SPDL1: variants seen among roughly 807,000 people sequenced by gnomAD.
SPDL1 encodes protein Spindly.
Under a neutral mutation model 79.5 loss-of-function variants are expected in SPDL1, and 85 were observed. The observed-to-expected ratio is 1.07, with a 90% confidence interval of 0.90 to 1.28. The LOEUF (loss-of-function observed/expected upper bound fraction) is 1.28, where lower values mean the gene tolerates loss of function less well. Ranked by LOEUF, SPDL1 falls within the 50% of genes most tolerant of loss-of-function variation. SPDL1 has a pLI of 0.00. For missense variants in SPDL1, 703 were observed against 697.8 expected (o/e 1.01, Z -0.08); for synonymous variants, 269 against 240.3 (o/e 1.12, Z -1.10).
intron 11 of SPDL1, among the ~76,000 whole-genome samples, chr5:169,603,755 G>A (rs1756048962): frequency 6.6e-6 from 1 of 152,156 alleles, no homozygotes; most frequent in Non-Finnish European, 1.5e-5. Flanking sequence ...TCCGGTGGCT[G>A]AGGCAGGAGA....
At chr5:169,591,535 G>A (rs558123035) in intron 3 of SPDL1, among the ~76,000 whole-genome samples, 15 of 152,268 alleles carry the variant, frequency 9.9e-5, no homozygotes, top group Non-Finnish European at 1.8e-4. Flanking sequence ...AGAAAGCCTC[G>A]TCTCCTAGCC....
At chr5:169,590,955 A>G in intron 2 of SPDL1, 93 bp from the exon 3 acceptor site, 1 of 1,094,926 alleles carries the variant, frequency 9.1e-7, no homozygotes, top group Non-Finnish European at 1.4e-6. Context: ...AATGCTTGAA[A>G]TAAGAATGAA....
At position 169,601,359 on chromosome 5, in the gene SPDL1, C is replaced by T. The variant is rs1348749297; in HGVS notation, c.1404C>T (p.Val468=). 1 of 1,613,792 alleles carries T rather than the reference C, an allele frequency of 6.2e-7. No individual in the cohort carries two copies. The highest frequency in any genetic ancestry group is 8.5e-7 in the Non-Finnish European group (1 of 1,179,980). Residue 468 remains valine (V), a synonymous_variant, in exon 11 of 12, where the codon GTC becomes GTT. Coordinates refer to ENST00000265295, the MANE Select transcript of SPDL1 (RefSeq NM_017785.5). ...VDITTAKDAC[V]NNSALGGEVY... ...TAACCACCGCTAAAGATGCATGTGT[C>T]AACAACAGTGCTCTCGGGGGAGAAG...
intron 8 of SPDL1, among the ~76,000 whole-genome samples, chr5:169,597,004 A>T (rs1314096124): frequency 1.3e-5 from 2 of 152,190 alleles, no homozygotes; most frequent in East Asian, 3.8e-4. Flanking sequence ...ATATCAGTAT[A>T]GCCTCATGGA....
At chr5:169,592,134 A>G (rs140396674) in intron 3 of SPDL1, among the ~76,000 whole-genome samples, 6 of 150,464 alleles carry the variant, frequency 4.0e-5, no homozygotes, top group African/African-American at 9.8e-5. Flanking sequence ...TATACCACCT[A>G]TACTATTACT....
chr5:169,602,661 C>T (rs1244783528), intron 11 of SPDL1, among the ~76,000 whole-genome samples: 1 of 152,176 alleles, frequency 6.6e-6, no homozygotes. Context: ...TAATATTCAA[C>T]AGTAAAAGCA....
intron 8 of SPDL1, among the ~76,000 whole-genome samples, chr5:169,597,770 ATCTT>A (rs1337880219): frequency 2.0e-5 from 3 of 152,318 alleles, no homozygotes; most frequent in Non-Finnish European, 4.4e-5. Flanking sequence ...ATGTCATAAA[ATCTT>A]AATTAAGTTT....
chr5:169,601,719 T>G, intron 11 of SPDL1, 94 bp downstream of exon 11: 1 of 1,141,170 alleles, frequency 8.8e-7, no homozygotes, highest in Non-Finnish European at 1.3e-6. Flanking sequence ...TTATCTACTT[T>G]CTTACAATTG....
At chr5:169,596,492 T>G in intron 7 of SPDL1, 69 bp from the exon 8 acceptor site, 1 of 1,321,358 alleles carries the variant, frequency 7.6e-7, no homozygotes, top group East Asian at 2.3e-5. Flanking sequence ...ATGAATTGTA[T>G]CAAAAAAGTA....
chr5:169,597,790 A>G (rs1755666046), intron 8 of SPDL1, among the ~76,000 whole-genome samples: 1 of 152,168 alleles, frequency 6.6e-6, no homozygotes, highest in African/African-American at 2.4e-5. Context: ...AGTTTACATA[A>G]CTTTATTTCT....
intron 8 of SPDL1, 38 bp downstream of exon 8, chr5:169,596,739 TG>T (rs772534639): frequency 6.6e-7 from 1 of 1,504,894 alleles, no homozygotes; most frequent in African/African-American, 1.5e-5. Context: ...ATCCAAATTT[TG>T]ATTTGAATAT....
intron 2 of SPDL1, among the ~76,000 whole-genome samples, chr5:169,590,050 A>G (rs1434282072): frequency 1.3e-5 from 2 of 152,200 alleles, no homozygotes; most frequent in African/African-American, 4.8e-5. Context: ...AAACTCCATG[A>G]GAGAGGGAAT....
chr5:169,590,652 T>C (rs957435776), intron 2 of SPDL1: 63 of 450,688 alleles, frequency 1.4e-4, no homozygotes, highest in East Asian at 5.6e-4. Context: ...CTATTATTAC[T>C]ACTACATTGT....
intron 1 of SPDL1, among the ~76,000 whole-genome samples, chr5:169,584,410 T>C (rs1754870837): frequency 2.0e-5 from 3 of 152,244 alleles, no homozygotes; most frequent in Admixed American, 2.0e-4. Flanking sequence ...ATATTTCTGC[T>C]GGACAGCACT....
rs7720435 is a variant in SPDL1, at chr5:169,603,399, A to G, written c.1671-661A>G. Among the ~76,000 whole-genome samples, 378 of 152,270 alleles carry G rather than the reference A, an allele frequency of 2.5e-3. 1 individual carries two copies. The highest frequency in any genetic ancestry group is 8.7e-3 in the African/African-American group (360 of 41,538). Reference sequence around the variant, plus strand: ...TAGACATCTATTCATGCAGCCCAAGATTCCATGTTATTTTTGTCTTGCCTT... The same window carrying G: ...TAGACATCTATTCATGCAGCCCAAGGTTCCATGTTATTTTTGTCTTGCCTT... On this transcript the variant is annotated intron_variant, in intron 11 of 11. Coordinates refer to ENST00000265295, the MANE Select transcript of SPDL1 (RefSeq NM_017785.5).
intron 5 of SPDL1, 30 bp from the exon 6 acceptor site, chr5:169,594,364 G>C: frequency 6.2e-7 from 1 of 1,612,780 alleles, no homozygotes; most frequent in Non-Finnish European, 8.5e-7. Context: ...TGTAATCTCT[G>C]TTGCCTAAAT....
chr5:169,590,791 G>GCA, intron 2 of SPDL1: 1 of 525,586 alleles, frequency 1.9e-6, no homozygotes, highest in South Asian at 1.5e-5. Flanking sequence ...ATACCATGGA[G>GCA]CACATTTTAC....
At chr5:169,602,854 T>C (rs1210111918) in intron 11 of SPDL1, among the ~76,000 whole-genome samples, 1 of 152,228 alleles carries the variant, frequency 6.6e-6, no homozygotes, top group Non-Finnish European at 1.5e-5. Context: ...CTGAAATGAA[T>C]CCAGCAGATT....
Position 169,601,278 on chromosome 5 carries a change from A to C in SPDL1, c.1325-2A>C. 6.3e-7 allele frequency: 1 copy of C among 1,591,864 alleles called. No individual in the cohort carries two copies. The highest frequency in any genetic ancestry group is 8.5e-7 in the Non-Finnish European group (1 of 1,170,768). ...CTTTTCCCCACTCGTTTTTATTCTC[A>C]GAGACAGTTGAAGTGCCTGTACTGA... On this transcript the variant is annotated splice_acceptor_variant, in intron 10 of 11. Transcript: ENST00000265295. LOFTEE classifies it high-confidence loss of function.
Sources: gnomAD v4.1 joint callset for allele counts (sites outside exome capture counted in the v4.1 genomes callset) on GRCh38, gnomAD v4.1.1 for gene constraint, MANE v1.5 for transcripts, NCBI Gene and HGNC (gene_info 2026-07-23, HGNC 2026-07-21) for gene names.